Variants in P4HB observed in about 807,000 individuals in gnomAD.
P4HB encodes the protein protein disulfide-isomerase.
P4HB carries 20 observed loss-of-function variants against 52.6 expected under a neutral mutation model. The observed-to-expected ratio is 0.38, with a 90% CI of 0.27 to 0.55. P4HB has a LOEUF of 0.55. Among genes scored for constraint, P4HB ranks in the 20% least tolerant of loss-of-function variants. The pLI, the probability that P4HB is intolerant of heterozygous loss-of-function variation, is 0.74. For synonymous variants in P4HB, 296 were observed against 277.9 expected (o/e 1.07, Z -0.65); for missense variants, 601 against 669.2 (o/e 0.90, Z 1.12).
intron 1 of P4HB, chr17:81,859,758 G>C: frequency 3.2e-6 from 1 of 312,070 alleles, no homozygotes; most frequent in Non-Finnish European, 6.2e-6. Context: ...TGACCGTGGC[G>C]GCCTGTACCA....
At chr17:81,847,409 G>C in intron 4 of P4HB, 62 bp from the exon 5 acceptor site, 1 of 1,421,716 alleles carries the variant, frequency 7.0e-7, no homozygotes, top group Non-Finnish European at 1.0e-6. Flanking sequence ...CCTGGGCCCG[G>C]GTCTCCCTGG....
chr17:81,857,305 G>C (rs144246863), intron 2 of P4HB, among the ~76,000 whole-genome samples: 1 of 151,962 alleles, frequency 6.6e-6, no homozygotes. Flanking sequence ...GCACCACCAC[G>C]CCCGGCTAAT....
chr17:81,847,515 G>T, intron 4 of P4HB, 168 bp from the exon 5 acceptor site: 1 of 640,488 alleles, frequency 1.6e-6, no homozygotes, highest in South Asian at 1.7e-5. Flanking sequence ...TTCCTCGACA[G>T]TAAGACTGGC....
chr17:81,856,696 G>A (rs1352102410), intron 2 of P4HB, among the ~76,000 whole-genome samples: 1 of 141,978 alleles, frequency 7.0e-6, no homozygotes, highest in Non-Finnish European at 1.5e-5. Flanking sequence ...CGTCCAGGCT[G>A]GAGAATGCAG....
chr17:81,856,647 CTTTTTT>C (rs112230345), intron 2 of P4HB, among the ~76,000 whole-genome samples: 8 of 128,456 alleles, frequency 6.2e-5, no homozygotes, highest in African/African-American at 2.0e-4. Flanking sequence ...AATGTTTCTT[CTTTTTT>C]TTTTTTTTTT....
Position 81,855,031 on chromosome 17 carries a change from T to C in P4HB, c.624+111A>G. On this transcript the variant is annotated intron_variant, in intron 4 of 10. Coordinates refer to ENST00000331483, the MANE Select transcript of P4HB (RefSeq NM_000918.4). This position sits in a 1 kb window ranked among gnomAD's most constrained non-coding sequence, Gnocchi z 4.3. ...TTGGCAAAGCTGCAGAACATACCTA[T>C]TGGGCCAAAGGTGCCAGGAGCAAGG... is the stretch of plus-strand genomic sequence containing the variant. 1 of 1,062,112 alleles carries C rather than the reference T, an allele frequency of 9.4e-7. No individual in the cohort carries two copies. Among genetic ancestry groups the C allele is most frequent in the African/African-American group, 1.6e-5 (1 of 64,136 alleles). 65.8% of individuals were successfully genotyped at this position (1,062,112 alleles called of 1,614,324 possible).
intron 4 of P4HB, among the ~76,000 whole-genome samples, chr17:81,854,679 T>G (rs908917345): frequency 6.6e-6 from 1 of 151,576 alleles, no homozygotes; most frequent in African/African-American, 2.4e-5. Context: ...ATCTCATCTC[T>G]ACTAAAACAA....
Position 81,855,513 on chromosome 17 carries a change from G to A in P4HB, c.426C>T (p.Asp142=), listed in dbSNP as rs776133642. ...CCACCAAGGACTCTGCAGCTGCGCC[G>A]TCAGGCAGGGTGGTGGCAGCCGGGC... ...RTGPAATTLP[D]GAAAESLVES... Residue 142 remains aspartate (D), a synonymous_variant, in exon 3 of 11, where the codon GAC becomes GAT. Coordinates refer to ENST00000331483, the MANE Select transcript of P4HB (RefSeq NM_000918.4). This position sits in a 1 kb window ranked among gnomAD's most constrained non-coding sequence, Gnocchi z 4.3. The A allele has an allele frequency of 2.0e-5, 32 of 1,613,818 alleles. No homozygotes were observed. The highest frequency in any genetic ancestry group is 1.6e-4 in the Middle Eastern group (1 of 6,084).
chr17:81,859,502 T>G (rs573271129), intron 1 of P4HB, 115 bp from the exon 2 acceptor site: 1 of 894,438 alleles, frequency 1.1e-6, no homozygotes, highest in South Asian at 1.5e-5. Flanking sequence ...CCTTATCTAC[T>G]CACCAAGATA....
chr17:81,845,067 C>A, intron 10 of P4HB, 77 bp downstream of exon 10: 1 of 1,222,230 alleles, frequency 8.2e-7, no homozygotes, highest in Admixed American at 1.9e-5. Context: ...CATCACAAGC[C>A]GAGCCCAAGT....
At chr17:81,860,031 G>A (rs1478640271) in intron 1 of P4HB, 8 of 275,500 alleles carry the variant, frequency 2.9e-5, no homozygotes, top group Non-Finnish European at 5.4e-5. Flanking sequence ...GGAGGACTCG[G>A]CAAGGCTGGA....
chr17:81,855,187 G>C lies in P4HB; in HGVS notation c.579C>G (p.Phe193Leu). Residue 193 changes from phenylalanine (F) to leucine (L), a missense_variant, in exon 4 of 11, where the codon TTC becomes TTG. Transcript: ENST00000331483. The surrounding 1 kb of genome is among the most constrained non-coding windows in gnomAD (Gnocchi z 4.3). ...PFGITSNSDVFSKYQLDKDGV... is the reference protein window; with the variant it reads ...PFGITSNSDVLSKYQLDKDGV... Reference sequence around the variant, plus strand: ...CATCTTTGTCGAGCTGGTATTTGGAGAACACGTCACTGTTGGAAGTGATCC... The same window carrying C: ...CATCTTTGTCGAGCTGGTATTTGGACAACACGTCACTGTTGGAAGTGATCC... 1 of 1,614,050 alleles carries C rather than the reference G, an allele frequency of 6.2e-7. No homozygotes were observed. Among genetic ancestry groups the C allele is most frequent in the South Asian group, 1.1e-5 (1 of 91,080 alleles).
chr17:81,860,405 C>T lies in P4HB; in HGVS notation c.67G>A (p.Glu23Lys). The change falls in exon 1 of 11, where the codon GAG becomes AAG. Residue 23 changes from glutamate (E) to lysine (K), a missense_variant. Physicochemically the swap from Glu to Lys is moderately conservative, Grantham distance 56. Transcript: ENST00000331483. The stretch of plus-strand genomic sequence containing the variant: ...TTCCGCAGCACCAGGACGTGGTCCT[C>T]CTCCTCGGGGGCGTCGGCGCGCACC... ...ALVRADAPEE[E>K]DHVLVLRKSN... The T allele has an allele frequency of 6.9e-7, 1 of 1,454,838 alleles. No individual in the cohort carries two copies. The highest frequency in any genetic ancestry group is 1.4e-5 in the South Asian group (1 of 73,590). 90.1% of individuals were successfully genotyped at this position (1,454,838 alleles called of 1,614,324 possible).
In P4HB at chr17:81,855,366, A is replaced by C; in HGVS notation, c.486+87T>G. On this transcript the variant is annotated intron_variant, in intron 3 of 10. Transcript: ENST00000331483. The surrounding 1 kb of genome is among the most constrained non-coding windows in gnomAD (Gnocchi z 4.3). ...CCCTGTAGAGCCCAGGCCAGGGGGGACACGTGCAGAACTGCCAGCTGCAGG... is the reference window on the plus strand; with the variant it reads ...CCCTGTAGAGCCCAGGCCAGGGGGGCCACGTGCAGAACTGCCAGCTGCAGG... 9 of 1,597,618 alleles carry C rather than the reference A, an allele frequency of 5.6e-6. No individual in the cohort carries two copies. The highest frequency in any genetic ancestry group is 4.5e-5 in the South Asian group (4 of 89,716).
At chr17:81,848,058 C>T (rs1390652158) in intron 4 of P4HB, among the ~76,000 whole-genome samples, 1 of 152,152 alleles carries the variant, frequency 6.6e-6, no homozygotes, top group African/African-American at 2.4e-5. Flanking sequence ...GCGCCCGCCA[C>T]CACCGGCTAA....
intron 4 of P4HB, among the ~76,000 whole-genome samples, chr17:81,852,974 C>T (rs1012260937): frequency 2.2e-4 from 33 of 152,332 alleles, no homozygotes; most frequent in African/African-American, 7.5e-4. Context: ...CCTTTGGTTC[C>T]TTCAACTTTA....
At chr17:81,858,903 C>T (rs2038955900) in intron 2 of P4HB, 1 of 445,720 alleles carries the variant, frequency 2.2e-6, no homozygotes, top group Admixed American at 3.5e-5. Flanking sequence ...GCACCAGTCT[C>T]CCTCTCCTCG....
Position 81,855,235 on chromosome 17 carries a change from C to T in P4HB, c.531G>A (p.Glu177=). 1 of 1,614,002 alleles carries T rather than the reference C, an allele frequency of 6.2e-7. No homozygotes were observed. The change falls in exon 4 of 11, where the codon GAG becomes GAA. Residue 177 remains glutamate, a synonymous_variant. Transcript: ENST00000331483. This position sits in a 1 kb window ranked among gnomAD's most constrained non-coding sequence, Gnocchi z 4.3. ...TCCCAAATGGTATGTCATCGATGGC[C>T]TCTGCTGCCTGCAAAAACTGCTTGG... The part of the protein sequence containing the change: ...DSAKQFLQAA[E]AIDDIPFGIT...
At chr17:81,858,735 C>T (rs191163084) in intron 2 of P4HB, 415 of 189,280 alleles carry the variant, frequency 2.2e-3, no homozygotes, top group Non-Finnish European at 2.5e-3. Flanking sequence ...GGGAAAAGCC[C>T]GCCTCACAGA....
Sources: allele counts gnomAD v4.1 joint callset (sites outside exome capture counted in the v4.1 genomes callset), GRCh38; gene constraint gnomAD v4.1.1; non-coding constraint Gnocchi (gnomAD v3.1); transcripts MANE v1.5; gene names NCBI Gene and HGNC (gene_info 2026-07-23, HGNC 2026-07-21).